CFAP99: variants seen among roughly 807,000 people sequenced by gnomAD.
The protein encoded by CFAP99 is cilia and flagella associated protein 99.
CFAP99 carries 84 observed loss-of-function variants against 82.7 expected under a neutral mutation model. The observed-to-expected ratio is 1.02, with a 90% CI of 0.85 to 1.22. The LOEUF is 1.22. Ranked by LOEUF, CFAP99 falls within the 50% of genes most tolerant of loss-of-function variation. CFAP99 has a pLI of 0.00. For synonymous variants in CFAP99, 456 were observed against 429.5 expected, an observed-to-expected ratio of 1.06 and a Z score of -0.76; for missense variants, 1,059 against 983.5, an observed-to-expected ratio of 1.08 and a Z score of -1.03.
chr4:2,455,604 G>T (rs532629665), intron 11 of CFAP99, among the ~76,000 whole-genome samples: 2 of 152,182 alleles, frequency 1.3e-5, no homozygotes. Context: ...CATGAGAATC[G>T]CTTGAACCCA....
intron 2 of CFAP99, among the ~76,000 whole-genome samples, chr4:2,429,488 G>A (rs957834225): frequency 2.0e-5 from 3 of 152,172 alleles, no homozygotes; most frequent in African/African-American, 4.8e-5. Context: ...CAGACACAAC[G>A]GATATCCAGG....
At chr4:2,423,310 T>G (rs555514127) in intron 1 of CFAP99, among the ~76,000 whole-genome samples, 1 of 152,356 alleles carries the variant, frequency 6.6e-6, no homozygotes, top group African/African-American at 2.4e-5. Flanking sequence ...TGGCCTGGCC[T>G]GCTGGGACCC....
chr4:2,450,191 AGGCGG>A (rs1461408341), intron 8 of CFAP99, 186 bp downstream of exon 8: 1 of 641,806 alleles, frequency 1.6e-6, no homozygotes, highest in African/African-American at 1.8e-5. Flanking sequence ...GCCCCTAAGC[AGGCGG>A]GTGTAGACGC....
intron 2 of CFAP99, chr4:2,428,125 C>T (rs1733722810): frequency 6.5e-6 from 1 of 152,816 alleles, no homozygotes; most frequent in Admixed American, 6.5e-5. Flanking sequence ...CCAGCTAAGG[C>T]CTCAGCACGA....
intron 6 of CFAP99, among the ~76,000 whole-genome samples, chr4:2,447,350 A>G (rs1734187582): frequency 6.6e-6 from 1 of 150,632 alleles, no homozygotes; most frequent in Non-Finnish European, 1.5e-5. Flanking sequence ...GGATGGGTGG[A>G]TGGGTGGATG....
In CFAP99 at chr4:2,459,334, G is replaced by C. The variant is rs1398048331; in HGVS notation, c.1455+76G>C. The C allele has an allele frequency of 1.0e-5, 15 of 1,441,998 alleles. No homozygotes were observed. The Admixed American group carries it at 3.9e-4, about 37-fold the overall frequency. 89.3% of individuals were successfully genotyped at this position (1,441,998 alleles called of 1,614,324 possible). ...CACTGCCATGAGAGGCAGTTTCCAGGGTTCCCACCAGAGCCACAGGTGGGT... is the reference window on the plus strand; with the variant it reads ...CACTGCCATGAGAGGCAGTTTCCAGCGTTCCCACCAGAGCCACAGGTGGGT... On this transcript the variant is annotated intron_variant, in intron 13 of 14. Coordinates refer to ENST00000635017, the Ensembl canonical transcript of CFAP99.
At chr4:2,421,905 A>C (rs1733593424) in intron 1 of CFAP99, among the ~76,000 whole-genome samples, 1 of 151,902 alleles carries the variant, frequency 6.6e-6, no homozygotes, top group African/African-American at 2.4e-5. Flanking sequence ...ATTAAGCACA[A>C]AATTAGTCGG....
chr4:2,450,113 C>G (rs759781480), intron 8 of CFAP99, 108 bp downstream of exon 8: 6 of 1,152,674 alleles, frequency 5.2e-6, no homozygotes, highest in Non-Finnish European at 7.5e-6. Flanking sequence ...CCTTTTCCCA[C>G]TGAGGGCCGG....
At chr4:2,453,179 C>T (rs1046540759) in intron 11 of CFAP99, among the ~76,000 whole-genome samples, 1 of 152,128 alleles carries the variant, frequency 6.6e-6, no homozygotes, top group African/African-American at 2.4e-5. Context: ...TTTGTTGGTC[C>T]TTCCTTTCAT....
exon 5 of CFAP99, chr4:2,443,179 A>C: frequency 6.5e-7 from 1 of 1,535,802 alleles, no homozygotes; most frequent in East Asian, 2.4e-5. Flanking sequence ...TGGATCAAGG[A>C]TGAGTGGAGC....
In CFAP99 at chr4:2,448,130, G is replaced by A. The variant is rs1349530579; in HGVS notation, c.643-1540G>A. On this transcript the variant is annotated intron_variant, in intron 6 of 14. Coordinates refer to ENST00000635017, the Ensembl canonical transcript of CFAP99. The surrounding 1 kb of genome is among the most constrained non-coding windows in gnomAD (Gnocchi z 5.2). Reference sequence around the variant, plus strand: ...TCAGATGGATGGATGATTAGATGGAGGTGGCTGATGGATGGATGATCAGAG... The same window carrying A: ...TCAGATGGATGGATGATTAGATGGAAGTGGCTGATGGATGGATGATCAGAG... 6.6e-6 allele frequency among the ~76,000 whole-genome samples: 1 copy of A among 152,120 alleles called. No individual in the cohort carries two copies. The highest frequency in any genetic ancestry group is 2.4e-5 in the African/African-American group (1 of 41,418).
intron 2 of CFAP99, among the ~76,000 whole-genome samples, chr4:2,431,445 ATTAAG>A (rs1369368812): frequency 3.9e-5 from 6 of 152,196 alleles, no homozygotes; most frequent in African/African-American, 9.7e-5. Context: ...TGCAGATGTA[ATTAAG>A]TTAAGGATCT....
intron 11 of CFAP99, among the ~76,000 whole-genome samples, chr4:2,453,438 T>A (rs1199783226): frequency 6.6e-6 from 1 of 152,230 alleles, no homozygotes. Context: ...CGCGTGGTTT[T>A]ACTAAATATG....
rs914940266 is a variant in CFAP99, at chr4:2,448,953, G to T, written c.643-717G>T. ...ACAGAGGTGACAAGGAGGACTCTGA[G>T]GCATGGGTGAGGAATGGACAGCGGT... On this transcript the variant is annotated intron_variant, in intron 6 of 14. Transcript: ENST00000635017. This position sits in a 1 kb window ranked among gnomAD's most constrained non-coding sequence, Gnocchi z 5.2. Among the ~76,000 whole-genome samples the T allele has an allele frequency of 1.3e-5, 2 of 152,212 alleles. No individual in the cohort carries two copies. The highest frequency in any genetic ancestry group is 1.3e-4 in the Admixed American group (2 of 15,292).
chr4:2,456,492 C>A (rs1422415902), intron 11 of CFAP99, among the ~76,000 whole-genome samples: 1 of 152,130 alleles, frequency 6.6e-6, no homozygotes, highest in East Asian at 1.9e-4. Flanking sequence ...GCTTGAACAA[C>A]ATAGTGAGAC....
intron 1 of CFAP99, among the ~76,000 whole-genome samples, chr4:2,421,434 G>A (rs746702729): frequency 1.2e-4 from 16 of 137,954 alleles, no homozygotes; most frequent in Admixed American, 2.6e-4. Context: ...AGCTCACTGC[G>A]ACCTCTGCCT....
chr4:2,458,845 G>A (rs1560390596), exon 12 of CFAP99: 12 of 1,535,366 alleles, frequency 7.8e-6, no homozygotes, highest in South Asian at 3.6e-5. Flanking sequence ...CGAAGCTCGC[G>A]AAGGGCCGAC....
At chr4:2,453,639 G>T (rs1474136748) in intron 11 of CFAP99, among the ~76,000 whole-genome samples, 6 of 117,586 alleles carry the variant, frequency 5.1e-5, no homozygotes, top group Non-Finnish European at 1.0e-4. Flanking sequence ...TTGAGCAAAT[G>T]TCCACATATA....
intron 4 of CFAP99, among the ~76,000 whole-genome samples, chr4:2,440,688 G>A (rs1734016369): frequency 6.6e-6 from 1 of 151,736 alleles, no homozygotes; most frequent in Admixed American, 6.6e-5. Context: ...TGCCTCCCAG[G>A]TTCATGCCAT....
Sources: gnomAD v4.1 joint callset for allele counts (sites outside exome capture counted in the v4.1 genomes callset) on GRCh38, gnomAD v4.1.1 for gene constraint, Gnocchi (gnomAD v3.1) non-coding constraint, MANE v1.5 for transcripts, NCBI Gene and HGNC (gene_info 2026-07-23, HGNC 2026-07-21) for gene names.